NEDD4: variants seen among roughly 807,000 people sequenced by gnomAD.
NEDD4 encodes the protein NEDD4 E3 ubiquitin protein ligase, also known as E3 ubiquitin-protein ligase NEDD4.
A neutral mutation model predicts 144.9 loss-of-function variants in NEDD4; 99 were observed. The ratio of observed to expected loss-of-function variants is 0.68; its 90% CI spans 0.58 to 0.81. The LOEUF (loss-of-function observed/expected upper bound fraction) is 0.81. Among genes scored for constraint, NEDD4 ranks in the 30% least tolerant of loss-of-function variants. The probability of loss-of-function intolerance (pLI) is 0.00; values close to 1 mark genes in which losing one functional copy is unlikely to be tolerated. For missense variants in NEDD4, 985 were observed against 1,065.9 expected (o/e 0.92, Z 1.06); for synonymous variants, 318 against 350.6 (o/e 0.91, Z 1.04).
At chr15:55,917,291 C>G (rs2036479618) in intron 5 of NEDD4, among the ~76,000 whole-genome samples, 1 of 152,116 alleles carries the variant, frequency 6.6e-6, no homozygotes, top group Admixed American at 6.6e-5. Context: ...AATCACAGTG[C>G]CTATACTTTC....
At chr15:55,929,212 T>A (rs2036734057) in intron 4 of NEDD4, among the ~76,000 whole-genome samples, 1 of 152,202 alleles carries the variant, frequency 6.6e-6, no homozygotes, top group Non-Finnish European at 1.5e-5. Flanking sequence ...AGCCTCCAGA[T>A]GGTACATGTA....
chr15:55,866,322 T>A (rs1351891881), intron 8 of NEDD4, among the ~76,000 whole-genome samples: 2 of 152,082 alleles, frequency 1.3e-5, no homozygotes, highest in African/African-American at 4.8e-5. Context: ...ATCCTCTTAC[T>A]TTGTCTGCCC....
intron 4 of NEDD4, among the ~76,000 whole-genome samples, chr15:55,929,197 A>T (rs571197835): frequency 6.6e-6 from 1 of 152,060 alleles, no homozygotes; most frequent in South Asian, 2.1e-4. Context: ...CTCAAATACC[A>T]CCTTAGCCTC....
At chr15:55,902,741 T>A (rs2035950001) in intron 5 of NEDD4, among the ~76,000 whole-genome samples, 1 of 152,076 alleles carries the variant, frequency 6.6e-6, no homozygotes, top group South Asian at 2.1e-4. Flanking sequence ...ATAAACAATG[T>A]TATAGGAGGC....
At chr15:55,977,349 T>C (rs1272839214) in intron 1 of NEDD4, among the ~76,000 whole-genome samples, 1 of 152,240 alleles carries the variant, frequency 6.6e-6, no homozygotes, top group Non-Finnish European at 1.5e-5. Flanking sequence ...CTAGGAAGAA[T>C]AGGCTATATC....
intron 28 of NEDD4, 56 bp downstream of exon 28, chr15:55,830,458 C>G (rs967967705): frequency 2.0e-6 from 3 of 1,476,174 alleles, no homozygotes; most frequent in Non-Finnish European, 2.8e-6. Context: ...GCTAGACTAA[C>G]AGAGGAATCT....
At chr15:55,837,359 G>A (rs1244707829) in intron 24 of NEDD4, among the ~76,000 whole-genome samples, 2 of 151,328 alleles carry the variant, frequency 1.3e-5, no homozygotes, top group Admixed American at 1.3e-4. Flanking sequence ...GAACCTGGGA[G>A]GTGCAGGTTG....
At chr15:55,865,692 T>C (rs1375004322) in intron 8 of NEDD4, among the ~76,000 whole-genome samples, 2 of 152,046 alleles carry the variant, frequency 1.3e-5, no homozygotes, top group African/African-American at 2.4e-5. Flanking sequence ...TGACAGGCAG[T>C]GGACGGCTTC....
intron 12 of NEDD4, among the ~76,000 whole-genome samples, chr15:55,855,622 C>T (rs1451379413): frequency 6.6e-6 from 1 of 152,150 alleles, no homozygotes; most frequent in South Asian, 2.1e-4. Context: ...TGGGACAGCA[C>T]TGAGCAGGAA....
rs1288142200 is a variant in NEDD4 at position 55,832,871 on chromosome 15, G to T, written c.2527+137C>A. The T allele has an allele frequency of 2.3e-5, 14 of 605,408 alleles. No individual in the cohort carries two copies. The African/African-American group carries it at 2.4e-4, about 10-fold the overall frequency. 37.5% of individuals were successfully genotyped at this position (605,408 alleles called of 1,614,324 possible). ...TTAGCCTACTCCAGTGTCCCTAATG[G>T]TATCACTTTCAAAATCTTAATTCTT... On this transcript the variant is annotated intron_variant, in intron 27 of 28. Coordinates refer to ENST00000435532, the MANE Select transcript of NEDD4 (RefSeq NM_006154.4).
intron 1 of NEDD4, among the ~76,000 whole-genome samples, chr15:55,972,479 T>C (rs757807694): frequency 1.1e-4 from 16 of 152,208 alleles, no homozygotes; most frequent in Non-Finnish European, 2.4e-4. Context: ...CATTGTAAGA[T>C]GTTAATTGCA....
At chr15:55,916,615 A>C (rs1404374468) in intron 5 of NEDD4, 2 of 1,614,064 alleles carry the variant, frequency 1.2e-6, no homozygotes, top group Non-Finnish European at 1.7e-6. Flanking sequence ...GAGGGAACAG[A>C]TGATCTTTCT....
intron 4 of NEDD4, among the ~76,000 whole-genome samples, chr15:55,932,922 G>C (rs1212169681): frequency 2.0e-5 from 3 of 152,194 alleles, no homozygotes; most frequent in African/African-American, 7.2e-5. Context: ...ATGAAAAAAT[G>C]CTCATCATCA....
At chr15:55,866,770 A>G (rs2034601136) in intron 8 of NEDD4, among the ~76,000 whole-genome samples, 1 of 152,168 alleles carries the variant, frequency 6.6e-6, no homozygotes, top group African/African-American at 2.4e-5. Flanking sequence ...ACCTGTCTCA[A>G]ATTTGTGGAA....
At chr15:55,948,534 T>C (rs565410750) in intron 4 of NEDD4, among the ~76,000 whole-genome samples, 6 of 152,190 alleles carry the variant, frequency 3.9e-5, no homozygotes, top group South Asian at 2.1e-4. Flanking sequence ...GGAGGCATCA[T>C]GCTACCTGAC....
At chr15:55,962,080 C>A (rs1052749069) in intron 2 of NEDD4, among the ~76,000 whole-genome samples, 1 of 152,166 alleles carries the variant, frequency 6.6e-6, no homozygotes, top group Non-Finnish European at 1.5e-5. Flanking sequence ...TTAGCAGGCA[C>A]ACACACATTT....
chr15:55,835,206 C>T (rs1346208829), intron 24 of NEDD4, among the ~76,000 whole-genome samples: 1 of 152,142 alleles, frequency 6.6e-6, no homozygotes, highest in East Asian at 1.9e-4. Context: ...TGCAATCGGA[C>T]TTCTACACTA....
chr15:55,952,594 C>T (rs1273935252), intron 2 of NEDD4: 1 of 152,180 alleles, frequency 6.6e-6, no homozygotes, highest in Admixed American at 6.6e-5. Context: ...CTTAATTGGC[C>T]AAACTCGAAG....
chr15:55,926,785 C>T (rs1186889370), intron 4 of NEDD4, among the ~76,000 whole-genome samples: 9 of 151,656 alleles, frequency 5.9e-5, no homozygotes, highest in African/African-American at 2.2e-4. Context: ...ACCACACCCC[C>T]CAAAAAAAGG....
Sources: gnomAD v4.1 joint callset for allele counts (sites outside exome capture counted in the v4.1 genomes callset) on GRCh38, gnomAD v4.1.1 for gene constraint, MANE v1.5 for transcripts, NCBI Gene and HGNC (gene_info 2026-07-23, HGNC 2026-07-21) for gene names.